The following PAN3 variants were observed in gnomAD, a reference collection of about 807,000 sequenced individuals.
PAN3 encodes the protein PAN2-PAN3 deadenylation complex subunit PAN3.
A neutral mutation model predicts 96.2 loss-of-function variants in PAN3; 19 were observed. That is an observed-to-expected ratio of 0.20 (90% CI 0.14 to 0.29). The LOEUF is 0.29. PAN3 is among the 10% of genes least tolerant of loss of function. The pLI, the probability that PAN3 is intolerant of heterozygous loss-of-function variation, is 1.00. For missense variants in PAN3, 882 were observed against 1,108.1 expected (o/e 0.80, Z 2.90); for synonymous variants, 433 against 406.6 (o/e 1.06, Z -0.78).
intron 17 of PAN3, among the ~76,000 whole-genome samples, chr13:28,284,224 A>G (rs557344193): frequency 2.9e-4 from 44 of 152,178 alleles, no homozygotes; most frequent in South Asian, 1.7e-3. Context: ...TTTATGTTCT[A>G]TGTACTCTTA....
intron 4 of PAN3, among the ~76,000 whole-genome samples, chr13:28,183,564 G>A (rs1319488460): frequency 6.6e-6 from 1 of 152,168 alleles, no homozygotes; most frequent in Non-Finnish European, 1.5e-5. Context: ...GTCCAAGTTC[G>A]GGGTATGGGG....
chr13:28,147,953 AT>A (rs907650612), intron 1 of PAN3, among the ~76,000 whole-genome samples: 1 of 151,122 alleles, frequency 6.6e-6, no homozygotes, highest in African/African-American at 2.4e-5. Context: ...AGCTAGTTTG[AT>A]TTTTTTTTCT....
chr13:28,206,063 C>A (rs1036992148), intron 5 of PAN3, among the ~76,000 whole-genome samples: 1 of 151,972 alleles, frequency 6.6e-6, no homozygotes, highest in Non-Finnish European at 1.5e-5. Context: ...TTGGTTACAT[C>A]CTCTTAACTT....
chr13:28,283,237 C>T (rs933088766), intron 17 of PAN3, among the ~76,000 whole-genome samples: 6 of 152,044 alleles, frequency 3.9e-5, no homozygotes, highest in Non-Finnish European at 8.8e-5. Flanking sequence ...TTGGTAGAGA[C>T]AGGGTTTCAC....
Position 28,272,081 on chromosome 13 carries a change from A to G in PAN3, c.2049+10A>G. 6.7e-7 allele frequency: 1 copy of G among 1,482,142 alleles called. No homozygotes were observed. Among genetic ancestry groups the G allele is most frequent in the Non-Finnish European group, 9.3e-7 (1 of 1,079,786 alleles). The allele number at this position is 1,482,142 out of a possible 1,614,324, so 91.8% of individuals were successfully genotyped here. ...AATGGCCCAGTACCAGGTGAGTAAG[A>G]ATTAACATGGATATTTACTTGTTTT... On this transcript the variant is annotated intron_variant, in intron 14 of 18. Transcript: ENST00000380958.
chr13:28,281,335 G>T lies in PAN3; in HGVS notation c.2340G>T (p.Leu780=), dbSNP rs755602923. ...TATAGGAGGTTCAAAATGGAAGACT[G>T]TTTAGGCTCCTAGCAAAATTGGGAA... ...DLAKEVQNGR[L]FRLLAKLGTI... is the part of the protein sequence containing the mutation. Residue 780 remains leucine (L), a synonymous_variant, in exon 17 of 19, where the codon CTG becomes CTT. Coordinates refer to ENST00000380958, the MANE Select transcript of PAN3 (RefSeq NM_175854.8). 4 of 1,611,466 alleles carry T rather than the reference G, an allele frequency of 2.5e-6. No individual in the cohort carries two copies. The highest frequency in any genetic ancestry group is 2.5e-6 in the Non-Finnish European group (3 of 1,177,988).
chr13:28,293,045 T>G lies in PAN3; in HGVS notation c.*523T>G, dbSNP rs1869944157. The G allele has an allele frequency of 6.6e-6, 1 of 152,234 alleles. No homozygotes were observed. Among genetic ancestry groups the G allele is most frequent in the Admixed American group, 6.5e-5 (1 of 15,282 alleles). 9.4% of individuals were successfully genotyped at this position (152,234 alleles called of 1,614,324 possible). ...GTACGTAATTCTTGTAAGAGTATCG[T>G]ATGCAAGCTCTCTGTATGCCACCCA... On this transcript the variant is annotated 3_prime_UTR_variant, in exon 19 of 19. Coordinates refer to ENST00000380958, the MANE Select transcript of PAN3 (RefSeq NM_175854.8).
At chr13:28,147,663 C>T (rs1287866299) in intron 1 of PAN3, among the ~76,000 whole-genome samples, 3 of 152,132 alleles carry the variant, frequency 2.0e-5, no homozygotes, top group African/African-American at 4.8e-5. Context: ...TATGATACCA[C>T]GAATCACTAA....
Position 28,144,225 on chromosome 13 carries a change from T to G in PAN3, c.430+5138T>G, listed in dbSNP as rs953490543. 1.6e-3 allele frequency among the ~76,000 whole-genome samples: 237 copies of G among 145,438 alleles called. 5 individuals are homozygous for G. Among genetic ancestry groups the G allele is most frequent in the Non-Finnish European group, 1.5e-3 (97 of 66,254 alleles). ...TAAGTTTTTTTGTTTTTTTTTTTTT[T>G]TTTTTTTTTGATATGGAGTCTCGCT... On this transcript the variant is annotated intron_variant, in intron 1 of 18. Transcript: ENST00000380958.
chr13:28,265,541 T>C (rs183133952), intron 9 of PAN3, among the ~76,000 whole-genome samples: 6 of 152,336 alleles, frequency 3.9e-5, no homozygotes, highest in African/African-American at 1.2e-4. Context: ...ATTTATGAAA[T>C]AGGGAATTCT....
intron 5 of PAN3, chr13:28,214,574 T>C: frequency 2.6e-6 from 1 of 383,152 alleles, no homozygotes; most frequent in Non-Finnish European, 4.9e-6. Flanking sequence ...TCAAGGCAAG[T>C]CCACCACTAC....
chr13:28,272,000 G>A lies in PAN3; in HGVS notation c.1978G>A (p.Gly660Arg). ...GKTRLRVNCVGVFDVLTFDNS... is the reference protein window; with the variant it reads ...GKTRLRVNCVRVFDVLTFDNS... Reference sequence around the variant, plus strand: ...TTAAAGGTTGCGAGTAAATTGTGTTGGAGTTTTTGATGTTTTAACATTTGA... The same window carrying A: ...TTAAAGGTTGCGAGTAAATTGTGTTAGAGTTTTTGATGTTTTAACATTTGA... The change falls in exon 14 of 19, where the codon GGA becomes AGA. Residue 660 changes from glycine to arginine, a missense_variant. Gly to Arg is a moderately radical substitution (Grantham distance 125, BLOSUM62 -2). Coordinates refer to ENST00000380958, the MANE Select transcript of PAN3 (RefSeq NM_175854.8). 1 of 1,583,072 alleles carries A rather than the reference G, an allele frequency of 6.3e-7. No individual in the cohort carries two copies. The highest frequency in any genetic ancestry group is 8.6e-7 in the Non-Finnish European group (1 of 1,160,172).
At chr13:28,192,233 C>T (rs1185640275) in intron 4 of PAN3, among the ~76,000 whole-genome samples, 1 of 151,808 alleles carries the variant, frequency 6.6e-6, no homozygotes, top group African/African-American at 2.4e-5. Context: ...CCACACCCAG[C>T]TAATTTTTGT....
intron 17 of PAN3, among the ~76,000 whole-genome samples, chr13:28,282,621 G>T (rs953369454): frequency 3.9e-5 from 6 of 152,128 alleles, no homozygotes; most frequent in Admixed American, 6.5e-5. Context: ...ATGCACACAT[G>T]AGTTGAATCT....
intron 6 of PAN3, among the ~76,000 whole-genome samples, chr13:28,241,401 C>G (rs892111374): frequency 6.6e-6 from 1 of 152,184 alleles, no homozygotes; most frequent in Non-Finnish European, 1.5e-5. Flanking sequence ...GACATTCAAA[C>G]TTTAATTGCA....
rs144878726 is a variant in PAN3 at position 28,246,248 on chromosome 13, G to A, written c.1001-10044G>A. Among the ~76,000 whole-genome samples, 618 of 151,924 alleles carry A rather than the reference G, an allele frequency of 4.1e-3. 4 individuals are homozygous for A. Among genetic ancestry groups the A allele is most frequent in the African/African-American group, 0.014 (581 of 41,468 alleles). ...CCTTTGCCCAGTTTTAAATTTACTT[G>A]TTTGATTTTTTTAAATCATTGTGTG... On this transcript the variant is annotated intron_variant, in intron 6 of 18. Transcript: ENST00000380958.
intron 6 of PAN3, among the ~76,000 whole-genome samples, chr13:28,225,254 C>T (rs1469381458): frequency 3.9e-5 from 6 of 152,144 alleles, no homozygotes; most frequent in East Asian, 1.9e-4. Context: ...TAATATTTGT[C>T]GTTCTTGTTC....
chr13:28,151,813 C>G (rs1871401406), intron 1 of PAN3, among the ~76,000 whole-genome samples: 1 of 152,136 alleles, frequency 6.6e-6, no homozygotes, highest in Non-Finnish European at 1.5e-5. Flanking sequence ...GAGAGCAGAT[C>G]AGGAGTTTGG....
intron 5 of PAN3, among the ~76,000 whole-genome samples, chr13:28,217,123 AAAAAT>A (rs1470619088): frequency 6.6e-6 from 1 of 151,848 alleles, no homozygotes; most frequent in Non-Finnish European, 1.5e-5. Flanking sequence ...CAAAAAAAAA[AAAAAT>A]GATAATAATT....
Sources: gnomAD v4.1 joint callset for allele counts (sites outside exome capture counted in the v4.1 genomes callset) on GRCh38, gnomAD v4.1.1 for gene constraint, MANE v1.5 for transcripts, NCBI Gene and HGNC (gene_info 2026-07-23, HGNC 2026-07-21) for gene names.